The following MYO3B variants were observed in gnomAD, a reference collection of about 807,000 sequenced individuals.
MYO3B encodes the protein myosin IIIB, also known as myosin-IIIb.
In MYO3B, 156 loss-of-function variants were observed where a neutral mutation model predicts 174.6. The observed-to-expected ratio is 0.89, with a 90% CI of 0.78 to 1.02. The LOEUF is 1.02. Among genes scored for constraint, MYO3B ranks in the 50% least tolerant of loss-of-function variants. The probability of loss-of-function intolerance (pLI) is 0.00; values close to 1 mark genes in which losing one functional copy is unlikely to be tolerated. For synonymous variants in MYO3B, 563 were observed against 569.1 expected, an observed-to-expected ratio of 0.99 and a Z score of 0.15; for missense variants, 1,632 against 1,639.4, an observed-to-expected ratio of 1.00 and a Z score of 0.08.
intron 25 of MYO3B, among the ~76,000 whole-genome samples, chr2:170,497,947 G>GAAA (rs55963352): frequency 2.3e-5 from 2 of 87,872 alleles, no homozygotes; most frequent in Admixed American, 1.2e-4. Context: ...TTCTGCCTCA[G>GAAA]AAAAAAAAAA....
At chr2:170,478,526 C>T (rs1165460777) in intron 25 of MYO3B, among the ~76,000 whole-genome samples, 2 of 34,240 alleles carry the variant, frequency 5.8e-5, no homozygotes, top group East Asian at 8.3e-4. Context: ...TTATTGTACA[C>T]ACACACACAC....
chr2:170,652,964 G>C lies in MYO3B; in HGVS notation c.3888-19G>C, dbSNP rs143968283. 401 of 1,612,738 alleles carry C rather than the reference G, an allele frequency of 2.5e-4. 3 individuals carry two copies. In the African/African-American group the frequency reaches 4.1e-3, roughly 16 times the overall value. On this transcript the variant is annotated intron_variant, in intron 34 of 34. Coordinates refer to ENST00000408978, the MANE Select transcript of MYO3B (RefSeq NM_138995.5). Reference sequence around the variant, plus strand: ...TGTTTTATTTTTTGTTGAAAATCCTGTTGTTTTCTTTGTTGCAGCCAAATC... The same window carrying C: ...TGTTTTATTTTTTGTTGAAAATCCTCTTGTTTTCTTTGTTGCAGCCAAATC...
intron 7 of MYO3B, among the ~76,000 whole-genome samples, chr2:170,333,356 T>A (rs1435824653): frequency 1.3e-5 from 2 of 152,106 alleles, no homozygotes; most frequent in Non-Finnish European, 2.9e-5. Flanking sequence ...ATGGAGTGAA[T>A]GAGATAAAGA....
chr2:170,331,259 A>T (rs919453714), intron 7 of MYO3B, among the ~76,000 whole-genome samples: 12 of 152,248 alleles, frequency 7.9e-5, no homozygotes, highest in African/African-American at 2.9e-4. Context: ...TTAACATTTT[A>T]TCATTCTGGC....
intron 22 of MYO3B, among the ~76,000 whole-genome samples, chr2:170,425,577 G>A (rs556502316): frequency 6.6e-6 from 1 of 152,310 alleles, no homozygotes; most frequent in African/African-American, 2.4e-5. Context: ...AGATGATTAG[G>A]TTTTTTGGCT....
At chr2:170,358,811 T>C (rs1246345215) in intron 8 of MYO3B, among the ~76,000 whole-genome samples, 1 of 152,208 alleles carries the variant, frequency 6.6e-6, no homozygotes, top group Non-Finnish European at 1.5e-5. Context: ...ATTCCCTCTA[T>C]ATTACTTAAT....
At chr2:170,447,102 C>A (rs1339320756) in intron 23 of MYO3B, among the ~76,000 whole-genome samples, 1 of 152,072 alleles carries the variant, frequency 6.6e-6, no homozygotes, top group Non-Finnish European at 1.5e-5. Flanking sequence ...GAGTGACCTT[C>A]CTAGGTATTC....
chr2:170,572,331 G>A (rs997192877), intron 32 of MYO3B, among the ~76,000 whole-genome samples: 1 of 152,056 alleles, frequency 6.6e-6, no homozygotes, highest in Non-Finnish European at 1.5e-5. Flanking sequence ...AGGAGGCTGA[G>A]GCAGGAGAAT....
intron 8 of MYO3B, among the ~76,000 whole-genome samples, chr2:170,347,684 CA>C (rs2094027244): frequency 1.3e-5 from 2 of 152,196 alleles, no homozygotes; most frequent in African/African-American, 4.8e-5. Context: ...AGGTCTGTGA[CA>C]TATTTCAATG....
chr2:170,217,914 C>T (rs1367006082), intron 6 of MYO3B, among the ~76,000 whole-genome samples: 1 of 152,218 alleles, frequency 6.6e-6, no homozygotes, highest in African/African-American at 2.4e-5. Flanking sequence ...CATCACAGAA[C>T]TCTCTGGAAA....
At chr2:170,433,840 T>TA (rs1247052540) in intron 22 of MYO3B, among the ~76,000 whole-genome samples, 2 of 152,222 alleles carry the variant, frequency 1.3e-5, no homozygotes, top group African/African-American at 4.8e-5. Context: ...TCTTACAATA[T>TA]ATCCCTGTCG....
chr2:170,453,161 G>A (rs745350510), intron 23 of MYO3B, among the ~76,000 whole-genome samples: 12 of 152,050 alleles, frequency 7.9e-5, no homozygotes, highest in Non-Finnish European at 1.5e-4. Flanking sequence ...AACTTCATCC[G>A]GTATTGGTTT....
Position 170,401,702 on chromosome 2 carries a change from C to T in MYO3B, c.2129+11C>T, listed in dbSNP as rs757473915. On this transcript the variant is annotated intron_variant, in intron 18 of 34. Coordinates refer to ENST00000408978, the MANE Select transcript of MYO3B (RefSeq NM_138995.5). ...AGACGAAAACATATGGCAAGTTCCT[C>T]GGAGAGCAGAGGGTCTCAGGAGAGC... 6 of 1,611,710 alleles carry T rather than the reference C, an allele frequency of 3.7e-6. No homozygotes were observed. In the South Asian group the frequency reaches 5.5e-5, roughly 15 times the overall value.
At chr2:170,269,490 GA>G (rs1031988709) in intron 7 of MYO3B, among the ~76,000 whole-genome samples, 5 of 152,118 alleles carry the variant, frequency 3.3e-5, no homozygotes, top group Non-Finnish European at 7.4e-5. Flanking sequence ...AGAATGTGGG[GA>G]AACAAGCACT....
At chr2:170,239,354 T>A (rs1475372389) in intron 7 of MYO3B, among the ~76,000 whole-genome samples, 1 of 152,354 alleles carries the variant, frequency 6.6e-6, no homozygotes, top group East Asian at 1.9e-4. Context: ...CAAGCAGGTA[T>A]CTTTCCTTAG....
intron 23 of MYO3B, among the ~76,000 whole-genome samples, chr2:170,449,795 GAAA>G (rs1683481824): frequency 6.6e-6 from 1 of 151,068 alleles, no homozygotes; most frequent in Non-Finnish European, 1.5e-5. Context: ...AAAAAGAAAA[GAAA>G]AAGAAGAAGT....
intron 25 of MYO3B, among the ~76,000 whole-genome samples, chr2:170,481,563 G>C (rs1200447227): frequency 6.6e-6 from 1 of 152,084 alleles, no homozygotes. Flanking sequence ...GTGACAGAGT[G>C]AGATGTTTCA....
At chr2:170,248,050 T>G (rs1313315882) in intron 7 of MYO3B, among the ~76,000 whole-genome samples, 1 of 152,196 alleles carries the variant, frequency 6.6e-6, no homozygotes, top group Non-Finnish European at 1.5e-5. Context: ...GGATTCATGG[T>G]TCCCAGCTCC....
chr2:170,319,434 A>G (rs1208984954), intron 7 of MYO3B, among the ~76,000 whole-genome samples: 1 of 152,176 alleles, frequency 6.6e-6, no homozygotes, highest in African/African-American at 2.4e-5. Flanking sequence ...TAAAAGAAAG[A>G]ATTAGTGAAT....
Sources: gnomAD v4.1 joint callset for allele counts (sites outside exome capture counted in the v4.1 genomes callset) on GRCh38, gnomAD v4.1.1 for gene constraint, MANE v1.5 for transcripts, NCBI Gene and HGNC (gene_info 2026-07-23, HGNC 2026-07-21) for gene names.